SLC26A5: variants seen among roughly 807,000 people sequenced by gnomAD.
SLC26A5 encodes prestin.
Under a neutral mutation model 81.0 loss-of-function variants are expected in SLC26A5, and 51 were observed. That is an observed-to-expected ratio of 0.63 (90% CI 0.50 to 0.80). SLC26A5 has a LOEUF of 0.80. Ranked by LOEUF, SLC26A5 falls within the 30% of genes least tolerant of loss-of-function variation. The probability of loss-of-function intolerance (pLI) is 0.00; values close to 1 mark genes in which losing one functional copy is unlikely to be tolerated. For missense variants in SLC26A5, 771 were observed against 905.8 expected, an observed-to-expected ratio of 0.85 and a Z score of 1.91; for synonymous variants, 325 against 332.8, an observed-to-expected ratio of 0.98 and a Z score of 0.25.
chr7:103,383,767 T>A (rs1329342253), intron 14 of SLC26A5, among the ~76,000 whole-genome samples: 1 of 152,182 alleles, frequency 6.6e-6, no homozygotes, highest in Admixed American at 6.5e-5. Context: ...CTTGAACTCC[T>A]AGGCTCTAGT....
At position 103,400,533 on chromosome 7, in the gene SLC26A5, C is replaced by T. The variant is rs561677264; in HGVS notation, c.889-2519G>A. ...TCTGTAGGTTGCCTGTTCACTCTGA[C>T]GGTAGTTTCTTTTGCTGTGCAGAAG... On this transcript the variant is annotated intron_variant, in intron 8 of 19. Coordinates refer to ENST00000306312, the MANE Select transcript of SLC26A5 (RefSeq NM_198999.3). Among the ~76,000 whole-genome samples, 71 of 152,146 alleles carry T rather than the reference C, an allele frequency of 4.7e-4. 1 individual carries two copies. The highest frequency in any genetic ancestry group is 1.4e-3 in the Admixed American group (22 of 15,258).
At chr7:103,375,035 A>AACACAC (rs901002259) in intron 19 of SLC26A5, among the ~76,000 whole-genome samples, 1 of 144,684 alleles carries the variant, frequency 6.9e-6, no homozygotes, top group Non-Finnish European at 1.5e-5. Flanking sequence ...TATATACACA[A>AACACAC]ACACACACAC....
intron 19 of SLC26A5, chr7:103,355,571 T>G (rs1819986557): frequency 2.9e-6 from 2 of 696,120 alleles, no homozygotes; most frequent in Non-Finnish European, 4.9e-6. Context: ...CAGTCTATAA[T>G]GCACATGATA....
intron 19 of SLC26A5, chr7:103,368,425 C>T (rs902489310): frequency 3.1e-5 from 5 of 161,716 alleles, no homozygotes; most frequent in Non-Finnish European, 6.7e-5. Flanking sequence ...ATAAACTTTC[C>T]TACTTACTTG....
intron 14 of SLC26A5, among the ~76,000 whole-genome samples, chr7:103,386,553 A>C (rs763108661): frequency 1.6e-4 from 25 of 151,884 alleles, no homozygotes; most frequent in Non-Finnish European, 2.6e-4. Context: ...ACAGAGCAAG[A>C]CTCTGTCTCA....
intron 6 of SLC26A5, among the ~76,000 whole-genome samples, chr7:103,410,822 G>A (rs1824428174): frequency 6.6e-6 from 1 of 151,974 alleles, no homozygotes; most frequent in Non-Finnish European, 1.5e-5. Context: ...GTAGACACGG[G>A]GTTTCACTAT....
chr7:103,420,192 C>T (rs1229342274), intron 4 of SLC26A5, among the ~76,000 whole-genome samples: 1 of 150,534 alleles, frequency 6.6e-6, no homozygotes, highest in Non-Finnish European at 1.5e-5. Context: ...CAAAATGTTT[C>T]TTGAGTGACT....
intron 19 of SLC26A5, among the ~76,000 whole-genome samples, chr7:103,361,258 C>T (rs939889275): frequency 4.0e-5 from 6 of 150,504 alleles, no homozygotes; most frequent in Admixed American, 2.0e-4. Flanking sequence ...CTGAGGCGGG[C>T]GGATCACCTG....
At chr7:103,444,799 C>T (rs2116892718) in intron 1 of SLC26A5, among the ~76,000 whole-genome samples, 1 of 152,320 alleles carries the variant, frequency 6.6e-6, no homozygotes, top group African/African-American at 2.4e-5. Flanking sequence ...CTAGGCAATT[C>T]TTCACCCTAA....
chr7:103,367,396 T>C lies in SLC26A5; in HGVS notation c.2041+9412A>G. 2 of 1,612,490 alleles carry C rather than the reference T, an allele frequency of 1.2e-6. No homozygotes were observed. The highest frequency in any genetic ancestry group is 1.7e-6 in the Non-Finnish European group (2 of 1,179,554). ...TGAGTGGACTTGAAGAGCTTATCTT[T>C]CCTTTTGTCTTCTCAGGGGCTCGTT... On this transcript the variant is annotated intron_variant, in intron 19 of 19. Coordinates refer to the SLC26A5 transcript ENST00000339444. The surrounding 1 kb of genome is among the most constrained non-coding windows in gnomAD (Gnocchi z 6.1).
chr7:103,390,629 G>T, intron 11 of SLC26A5, 123 bp from the exon 12 acceptor site: 1 of 813,532 alleles, frequency 1.2e-6, no homozygotes, highest in South Asian at 1.4e-5. Flanking sequence ...ATTCAAATAA[G>T]TCAACTAAAC....
intron 15 of SLC26A5, 30 bp from the exon 16 acceptor site, chr7:103,379,365 A>G: frequency 7.2e-7 from 1 of 1,398,272 alleles, no homozygotes; most frequent in Non-Finnish European, 1.0e-6. Flanking sequence ...TGAATTTAAC[A>G]CATGGAAATA....
chr7:103,363,269 G>A (rs1820517958), intron 19 of SLC26A5: 1 of 1,184,788 alleles, frequency 8.4e-7, no homozygotes. Flanking sequence ...TAAGGTATTA[G>A]GTCTATTCTA....
Position 103,397,473 on chromosome 7 carries a change from G to A in SLC26A5, c.971+459C>T, listed in dbSNP as rs1417293028. 1.4e-4 allele frequency among the ~76,000 whole-genome samples: 21 copies of A among 147,952 alleles called. No homozygotes were observed. The South Asian group carries it at 2.6e-3, about 18-fold the overall frequency. On this transcript the variant is annotated intron_variant, in intron 9 of 19. Transcript: ENST00000306312. ...GGAGAATGGCATGAACCCAGGAGGC[G>A]GAGCTTGCAGTGAGCCGAGATCATG...
chr7:103,432,452 A>C (rs1353817970), intron 2 of SLC26A5, among the ~76,000 whole-genome samples: 1 of 152,216 alleles, frequency 6.6e-6, no homozygotes, highest in Admixed American at 6.5e-5. Context: ...TCTCAGATTT[A>C]ACTTCCAGTT....
At chr7:103,375,491 T>C (rs923825701) in intron 19 of SLC26A5, among the ~76,000 whole-genome samples, 10 of 152,220 alleles carry the variant, frequency 6.6e-5, no homozygotes, top group African/African-American at 2.4e-4. Flanking sequence ...TTTCCCATCA[T>C]ATGCCTATGG....
chr7:103,364,152 T>C, intron 19 of SLC26A5: 1 of 1,613,868 alleles, frequency 6.2e-7, no homozygotes, highest in Non-Finnish European at 8.5e-7. Context: ...GCCAGAGAGG[T>C]TTGTGAACCT....
intron 8 of SLC26A5, among the ~76,000 whole-genome samples, chr7:103,404,078 G>A (rs1823829626): frequency 6.6e-6 from 1 of 152,086 alleles, no homozygotes; most frequent in Admixed American, 6.5e-5. Flanking sequence ...AGCTACTCAG[G>A]AGGCTGAAGC....
intron 14 of SLC26A5, among the ~76,000 whole-genome samples, chr7:103,385,557 C>T (rs1301893944): frequency 2.0e-5 from 3 of 152,076 alleles, no homozygotes; most frequent in Non-Finnish European, 2.9e-5. Context: ...TAAACACATA[C>T]CCTGAGTGCT....
Sources: gnomAD v4.1 joint callset for allele counts (sites outside exome capture counted in the v4.1 genomes callset) on GRCh38, gnomAD v4.1.1 for gene constraint, Gnocchi (gnomAD v3.1) non-coding constraint, MANE v1.5 for transcripts, NCBI Gene and HGNC (gene_info 2026-07-23, HGNC 2026-07-21) for gene names.